The following SAFB2 variants were observed in gnomAD, a reference collection of about 807,000 sequenced individuals.
SAFB2 encodes the protein scaffold attachment factor B2.
A neutral mutation model predicts 100.6 loss-of-function variants in SAFB2; 32 were observed. That is an observed-to-expected ratio of 0.32 (90% CI 0.24 to 0.43). SAFB2 has a LOEUF of 0.43. Ranked by LOEUF, SAFB2 falls within the 20% of genes least tolerant of loss-of-function variation. The probability of loss-of-function intolerance (pLI) is 1.00; values close to 1 mark genes in which losing one functional copy is unlikely to be tolerated. For synonymous variants in SAFB2, 500 were observed against 439.4 expected (o/e 1.14, Z -1.72); for missense variants, 1,185 against 1,163.4 (o/e 1.02, Z -0.27).
chr19:5,591,748 C>T lies in SAFB2; in HGVS notation c.2394G>A (p.Gln798=). 3 of 1,613,924 alleles carry T rather than the reference C, an allele frequency of 1.9e-6. No individual in the cohort carries two copies. The highest frequency in any genetic ancestry group is 2.5e-6 in the Non-Finnish European group (3 of 1,179,878). The change falls in exon 17 of 21, where the codon CAG becomes CAA. Residue 798 remains glutamine (Q), a splice_region_variant and synonymous_variant. Transcript: ENST00000252542. ...GGCTTGGCATCGGGGCTCTACTCAC[C>T]TGCCCATCCCGGTGGTCTCCCATCA... ...RPMMGDHRDG[Q]HYGDDRHGHG...
intron 4 of SAFB2, among the ~76,000 whole-genome samples, chr19:5,614,314 G>A (rs188481302): frequency 5.4e-4 from 82 of 152,228 alleles, no homozygotes; most frequent in Non-Finnish European, 9.6e-4. Context: ...TTTACTACAT[G>A]CCAAACAAAA....
chr19:5,610,831 T>C lies in SAFB2; in HGVS notation c.1146-143A>G, dbSNP rs1419342636. 8 of 750,294 alleles carry C rather than the reference T, an allele frequency of 1.1e-5. No homozygotes were observed. The Admixed American group carries it at 2.7e-4, about 25-fold the overall frequency. 46.5% of individuals were successfully genotyped at this position (750,294 alleles called of 1,614,324 possible). On this transcript the variant is annotated intron_variant, in intron 7 of 20. Transcript: ENST00000252542. The stretch of plus-strand genomic sequence containing the variant: ...TAACAGACACCTCTGCAAGCTTATA[T>C]TGGAAAATCTGACCCCAAAAATACA...
At chr19:5,602,899 G>C (rs1176803696) in intron 11 of SAFB2, among the ~76,000 whole-genome samples, 1 of 150,940 alleles carries the variant, frequency 6.6e-6, no homozygotes, top group African/African-American at 2.5e-5. Flanking sequence ...TTAAATTAGA[G>C]GGCTCACCGC....
chr19:5,610,245 A>G (rs907450974), intron 8 of SAFB2, 150 bp from the exon 9 acceptor site: 45 of 643,284 alleles, frequency 7.0e-5, no homozygotes, highest in Admixed American at 2.6e-5. Context: ...ATGCCAACAC[A>G]CAGAAGGCTG....
chr19:5,600,078 C>A, intron 12 of SAFB2, 52 bp downstream of exon 12: 2 of 1,578,824 alleles, frequency 1.3e-6, no homozygotes, highest in South Asian at 1.2e-5. Context: ...ACCCCCACTC[C>A]CCACCCGTGC....
chr19:5,590,064 G>A (rs1050974603), intron 18 of SAFB2, among the ~76,000 whole-genome samples: 2 of 152,278 alleles, frequency 1.3e-5, no homozygotes, highest in Non-Finnish European at 2.9e-5. Context: ...CATTCTGGGC[G>A]ACCTGGACAG....
intron 12 of SAFB2, among the ~76,000 whole-genome samples, chr19:5,599,419 G>A (rs1472217501): frequency 6.6e-6 from 1 of 152,170 alleles, no homozygotes; most frequent in Non-Finnish European, 1.5e-5. Flanking sequence ...ACTTATTTGG[G>A]GAGATTTATA....
chr19:5,612,317 A>G (rs1387837649), intron 6 of SAFB2: 8 of 571,276 alleles, frequency 1.4e-5, no homozygotes, highest in Middle Eastern at 4.5e-4. Flanking sequence ...GAAAAGAATC[A>G]CTACTACATT....
rs116936570 is a variant in SAFB2, at chr19:5,609,964, A to G, written c.1296+31T>C. 3,207 of 1,572,830 alleles carry G rather than the reference A, an allele frequency of 2.0e-3. 58 individuals are homozygous for G. The East Asian group carries it at 0.033, about 16-fold the overall frequency. On this transcript the variant is annotated intron_variant, in intron 9 of 20. Transcript: ENST00000252542. Reference sequence around the variant, plus strand: ...AGCTTCCTTTTTAACTCTGAATCACAGTGGATGGTATGAGGCAAGGGAAGG... The same window carrying G: ...AGCTTCCTTTTTAACTCTGAATCACGGTGGATGGTATGAGGCAAGGGAAGG...
At position 5,600,741 on chromosome 19, in the gene SAFB2, G is replaced by A. The variant is rs147456571; in HGVS notation, c.1560-481C>T. Among the ~76,000 whole-genome samples the A allele has an allele frequency of 3.0e-4, 45 of 152,298 alleles. 1 individual carries two copies. The highest frequency in any genetic ancestry group is 9.4e-4 in the African/African-American group (39 of 41,558). ...GCACAGAGCGGCAGGCCATTTACCC[G>A]TGAGGCCAACACCCCTCGACCGGTA... On this transcript the variant is annotated intron_variant, in intron 11 of 20. Coordinates refer to ENST00000252542, the MANE Select transcript of SAFB2 (RefSeq NM_014649.3).
At chr19:5,610,224 C>T (rs948914672) in intron 8 of SAFB2, 129 bp from the exon 9 acceptor site, 72 of 711,776 alleles carry the variant, frequency 1.0e-4, no homozygotes, top group South Asian at 3.3e-4. Context: ...AAGAATTTAA[C>T]GCACACACAC....
At chr19:5,595,086 G>T (rs4807795) in intron 14 of SAFB2, among the ~76,000 whole-genome samples, 2,196 of 152,248 alleles carry the variant, frequency 0.014, 32 homozygotes, top group Admixed American at 0.02. Flanking sequence ...TGGCTTCAGG[G>T]GATCCTCTGG....
At chr19:5,588,685 C>T (rs1221144610) in intron 18 of SAFB2, among the ~76,000 whole-genome samples, 12 of 152,138 alleles carry the variant, frequency 7.9e-5, no homozygotes, top group Non-Finnish European at 8.8e-5. Context: ...AAATCCAGAG[C>T]CAGAAAGGGA....
chr19:5,594,182 C>G lies in SAFB2; in HGVS notation c.1920-4G>C. ...CCGCTCCCGCTGCTCGCGCTCCCTG[C>G]GGGGACAGGTGAGGCTGCCCTGAAC... On this transcript the variant is annotated splice_polypyrimidine_tract_variant and splice_region_variant and intron_variant, in intron 14 of 20. Transcript: ENST00000252542. The G allele has an allele frequency of 6.3e-7, 1 of 1,585,946 alleles. No individual in the cohort carries two copies. Among genetic ancestry groups the G allele is most frequent in the Non-Finnish European group, 8.5e-7 (1 of 1,172,594 alleles).
intron 17 of SAFB2, among the ~76,000 whole-genome samples, chr19:5,590,773 GC>G (rs142260490): frequency 0.069 from 10,469 of 152,236 alleles, 482 homozygotes; most frequent in African/African-American, 0.13. Flanking sequence ...GGGTGGGTCA[GC>G]CCCCCTGTGC....
At chr19:5,597,945 C>A (rs961159802) in intron 13 of SAFB2, among the ~76,000 whole-genome samples, 1 of 151,886 alleles carries the variant, frequency 6.6e-6, no homozygotes, top group African/African-American at 2.4e-5. Flanking sequence ...GCCTGGCCAA[C>A]GTGGCAAAAT....
At position 5,594,099 on chromosome 19, in the gene SAFB2, G is replaced by C. The variant is rs570741473; in HGVS notation, c.1999C>G (p.Arg667Gly). 1 of 1,600,280 alleles carries C rather than the reference G, an allele frequency of 6.2e-7. No individual in the cohort carries two copies. The highest frequency in any genetic ancestry group is 1.3e-5 in the African/African-American group (1 of 74,932). Reference protein sequence around the residue: ...RKEKARLQRERLQLECQRQRL... With the variant: ...RKEKARLQREGLQLECQRQRL... ...TGGCGCTGGCACTCGAGCTGCAGGCGTTCCCGCTGTAGCCGGGCCTTCTCC... is the reference window on the plus strand; with the variant it reads ...TGGCGCTGGCACTCGAGCTGCAGGCCTTCCCGCTGTAGCCGGGCCTTCTCC... Residue 667 changes from arginine to glycine, a missense_variant, in exon 15 of 21, where the codon CGC (arginine) becomes GGC (glycine). Physicochemically the swap from Arg to Gly is moderately radical, Grantham distance 125 (BLOSUM62 -2). Around this residue, in one of 3 missense-constraint regions of SAFB2, gnomAD observed 740 missense variants for 687.1 expected, o/e 1.08. Transcript: ENST00000252542.
intron 11 of SAFB2, among the ~76,000 whole-genome samples, chr19:5,603,938 G>A (rs1329846863): frequency 6.6e-6 from 1 of 152,206 alleles, no homozygotes. Flanking sequence ...CAACGTGGAT[G>A]AGGAAATGAT....
chr19:5,612,377 C>T (rs2052927212), intron 6 of SAFB2, 163 bp downstream of exon 6: 1 of 676,458 alleles, frequency 1.5e-6, no homozygotes, highest in Non-Finnish European at 2.6e-6. Flanking sequence ...TTCCACAGAT[C>T]TGGTGATACG....
Sources: gnomAD v4.1 joint callset for allele counts (sites outside exome capture counted in the v4.1 genomes callset) on GRCh38, gnomAD v4.1.1 for gene constraint, gnomAD v4.1.1 regional missense constraint, MANE v1.5 for transcripts, NCBI Gene and HGNC (gene_info 2026-07-23, HGNC 2026-07-21) for gene names.